The following SPATA9 variants were observed in gnomAD, a reference collection of about 807,000 sequenced individuals.
SPATA9 encodes spermatogenesis-associated protein 9.
In SPATA9, 27 loss-of-function variants were observed where a neutral mutation model predicts 25.5. The observed-to-expected ratio is 1.06, with a 90% CI of 0.78 to 1.46. SPATA9 has a LOEUF of 1.46. Among genes scored for constraint, SPATA9 ranks in the 40% most tolerant of loss-of-function variants. The pLI is 0.00. For synonymous variants in SPATA9, 102 were observed against 105.7 expected, an observed-to-expected ratio of 0.97 and a Z score of 0.21; for missense variants, 282 against 297.5, an observed-to-expected ratio of 0.95 and a Z score of 0.38.
Position 95,682,598 on chromosome 5 carries a change from G to T in SPATA9, c.80C>A (p.Ala27Glu), listed in dbSNP as rs757639123. 29 of 1,613,296 alleles carry T rather than the reference G, an allele frequency of 1.8e-5. No individual in the cohort carries two copies. The Admixed American group carries it at 2.0e-4, about 11-fold the overall frequency. The change falls in exon 2 of 5, where the codon GCA becomes GAA. Residue 27 changes from alanine (A) to glutamate (E), a missense_variant. By Grantham distance (107) the Ala-to-Glu change is moderately radical. Transcript: ENST00000274432. ...AAACTCATCTACAAGGTCCATGATT[G>T]CTTTCTGGATCCCCTCGACTAAGAC... ...FSGRIEGIQK[A>E]IMDLVDEFKD...
chr5:95,664,878 G>A (rs553788846), intron 3 of SPATA9, among the ~76,000 whole-genome samples: 1 of 152,206 alleles, frequency 6.6e-6, no homozygotes, highest in East Asian at 1.9e-4. Context: ...GTAAAAACAT[G>A]CACATAATGT....
the SPATA9 span, among the ~76,000 whole-genome samples, chr5:95,716,256 C>T: frequency 0.015 from 2,290 of 152,346 alleles, 58 homozygotes; most frequent in African/African-American, 0.052. Flanking sequence ...AGACGCTCAA[C>T]GCCAGCCCAT....
chr5:95,664,217 CAAG>C, intron 3 of SPATA9, among the ~76,000 whole-genome samples, 169 bp from the exon 4 acceptor site: 1 of 152,050 alleles, frequency 6.6e-6, no homozygotes, highest in East Asian at 1.9e-4. Flanking sequence ...CCTTTTTTAA[CAAG>C]AAGACAGTTT....
chr5:95,713,895 T>A, the SPATA9 span, among the ~76,000 whole-genome samples: 4 of 152,070 alleles, frequency 2.6e-5, no homozygotes, highest in Admixed American at 2.0e-4. Flanking sequence ...TTGTTTTATA[T>A]GCACACAAAT....
At chr5:95,659,012 TC>T in intron 4 of SPATA9, 99 bp from the exon 5 acceptor site, 1 of 1,420,114 alleles carries the variant, frequency 7.0e-7, no homozygotes, top group Middle Eastern at 1.9e-4. Flanking sequence ...AGTCATTTAA[TC>T]TACATAATCT....
rs139658682 is a variant in SPATA9, at chr5:95,692,749, T to C, written n.124+5839A>G. On this transcript the variant is annotated intron_variant and non_coding_transcript_variant, in intron 1 of 2. Transcript: ENST00000379990. ...TAACTTCCCAGTAATTAAGGTTTAA[T>C]ATTATATTATTATTTCTTTCTACTT... 2.4e-4 allele frequency among the ~76,000 whole-genome samples: 36 copies of C among 152,212 alleles called. No individual in the cohort carries two copies. The East Asian group carries it at 4.0e-3, about 17-fold the overall frequency.
chr5:95,719,620 C>T, the SPATA9 span: 2 of 152,144 alleles, frequency 1.3e-5, no homozygotes, highest in Non-Finnish European at 2.9e-5. Flanking sequence ...AACATATATA[C>T]ATTACATGCA....
intron 4 of SPATA9, among the ~76,000 whole-genome samples, chr5:95,663,432 G>A (rs1751460937): frequency 1.3e-5 from 2 of 152,120 alleles, no homozygotes; most frequent in South Asian, 4.1e-4. Flanking sequence ...GGGTAGTATA[G>A]AGCTTAATAG....
At chr5:95,666,673 T>G (rs1308773889) in intron 3 of SPATA9, among the ~76,000 whole-genome samples, 2 of 152,162 alleles carry the variant, frequency 1.3e-5, no homozygotes, top group African/African-American at 4.8e-5. Context: ...CAAACTATGC[T>G]GTTGGAAGAA....
At chr5:95,668,330 A>T (rs1752028544) in intron 3 of SPATA9, among the ~76,000 whole-genome samples, 1 of 152,244 alleles carries the variant, frequency 6.6e-6, no homozygotes, top group Admixed American at 6.5e-5. Flanking sequence ...TAATGCTTTT[A>T]ATAATTACTT....
chr5:95,713,358 G>A, the SPATA9 span, among the ~76,000 whole-genome samples: 1 of 151,952 alleles, frequency 6.6e-6, no homozygotes, highest in African/African-American at 2.4e-5. Context: ...GGGGCCCGGT[G>A]GGAGGTGATT....
chr5:95,687,526 T>G (rs1009164158), upstream of SPATA9, among the ~76,000 whole-genome samples: 11 of 152,348 alleles, frequency 7.2e-5, no homozygotes, highest in Non-Finnish European at 1.3e-4. Context: ...AAATGCCTGC[T>G]ACATAGCTCA....
chr5:95,666,225 G>C (rs1018726301), intron 3 of SPATA9, among the ~76,000 whole-genome samples: 2 of 152,180 alleles, frequency 1.3e-5, no homozygotes, highest in African/African-American at 2.4e-5. Context: ...ACTGGAAATA[G>C]TACTCCAGGG....
chr5:95,717,071 T>C, the SPATA9 span: 1 of 152,286 alleles, frequency 6.6e-6, no homozygotes, highest in Non-Finnish European at 1.5e-5. Flanking sequence ...GGTCCATATA[T>C]TCGGTTGCTT....
chr5:95,682,830 T>C lies in SPATA9; in HGVS notation c.25A>G (p.Ile9Val). The C allele has an allele frequency of 6.5e-7, 1 of 1,547,708 alleles. No individual in the cohort carries two copies. The highest frequency in any genetic ancestry group is 8.7e-7 in the Non-Finnish European group (1 of 1,151,892). The part of the protein sequence containing the change: MPIKPVGW[I>V]CGQVLKNFSG... ...AAGTTCTTCAACACCTGCCCACATA[T>C]CCACCCAACAGGTTTGATTGGCATG... is the stretch of plus-strand genomic sequence containing the variant. Residue 9 changes from isoleucine to valine, a missense_variant, in exon 1 of 5, where the codon ATA (isoleucine) becomes GTA (valine). By Grantham distance (29) the Ile-to-Val change is conservative. Coordinates refer to ENST00000274432, the MANE Select transcript of SPATA9 (RefSeq NM_031952.4).
chr5:95,697,331 T>G (rs1754048626), intron 1 of SPATA9, among the ~76,000 whole-genome samples: 1 of 152,198 alleles, frequency 6.6e-6, no homozygotes, highest in Non-Finnish European at 1.5e-5. Flanking sequence ...CCTTACCATG[T>G]GGCCTCTCCA....
chr5:95,728,816 A>G, the SPATA9 span, among the ~76,000 whole-genome samples: 1 of 152,200 alleles, frequency 6.6e-6, no homozygotes, highest in South Asian at 2.1e-4. Flanking sequence ...GACCTTGCTG[A>G]TAAAACAGAA....
chr5:95,673,410 A>G (rs1267090544), intron 3 of SPATA9, among the ~76,000 whole-genome samples: 5 of 151,944 alleles, frequency 3.3e-5, no homozygotes, highest in Non-Finnish European at 5.9e-5. Context: ...GTGCATATGT[A>G]TGTGTACAAT....
chr5:95,701,649 C>T (rs1754181336), upstream of SPATA9, among the ~76,000 whole-genome samples: 1 of 151,460 alleles, frequency 6.6e-6, no homozygotes, highest in East Asian at 1.9e-4. Flanking sequence ...TATACTAGAT[C>T]CCCCCAACAG....
Sources: gnomAD v4.1 joint callset for allele counts (sites outside exome capture counted in the v4.1 genomes callset) on GRCh38, gnomAD v4.1.1 for gene constraint, MANE v1.5 for transcripts, NCBI Gene and HGNC (gene_info 2026-07-23, HGNC 2026-07-21) for gene names.